NIT2: variants seen among roughly 807,000 people sequenced by gnomAD.
NIT2 encodes omega-amidase NIT2.
NIT2 carries 46 observed loss-of-function variants against 42.7 expected under a neutral mutation model. The observed-to-expected ratio is 1.08, with a 90% CI of 0.85 to 1.38. NIT2 has a LOEUF of 1.38. Among genes scored for constraint, NIT2 ranks in the 40% most tolerant of loss-of-function variants. The probability of loss-of-function intolerance (pLI) is 0.00; values close to 1 mark genes in which losing one functional copy is unlikely to be tolerated. For missense variants in NIT2, 309 were observed against 342.5 expected (o/e 0.90, Z 0.77); for synonymous variants, 123 against 121.9 (o/e 1.01, Z -0.06).
intron 2 of NIT2, 22 bp from the exon 3 acceptor site, chr3:100,339,793 T>C: frequency 6.3e-7 from 1 of 1,597,058 alleles, no homozygotes; most frequent in Non-Finnish European, 8.5e-7. Context: ...ATCTTTTTTT[T>C]TCTCTGCCAA....
At chr3:100,345,102 G>A (rs1706200212) in intron 4 of NIT2, among the ~76,000 whole-genome samples, 1 of 151,416 alleles carries the variant, frequency 6.6e-6, no homozygotes, top group Non-Finnish European at 1.5e-5. Context: ...CTACAGGCAC[G>A]CACAACCACC....
chr3:100,342,786 A>G (rs1419870397), intron 4 of NIT2, among the ~76,000 whole-genome samples: 1 of 152,106 alleles, frequency 6.6e-6, no homozygotes, highest in African/African-American at 2.4e-5. Context: ...ATTAAGAAGA[A>G]AAAAATCTTT....
intron 6 of NIT2, among the ~76,000 whole-genome samples, chr3:100,348,457 T>C (rs1706239797): frequency 6.6e-6 from 1 of 152,220 alleles, no homozygotes; most frequent in Non-Finnish European, 1.5e-5. Context: ...GCCCCTAGCG[T>C]AGGCAGCTAT....
chr3:100,339,998 T>G, intron 3 of NIT2, 63 bp downstream of exon 3: 1 of 1,450,566 alleles, frequency 6.9e-7, no homozygotes, highest in Non-Finnish European at 9.4e-7. Context: ...GAGTCAGGTG[T>G]GGTGGCGTGC....
Position 100,359,036 on chromosome 3 carries a change from C to G in NIT2, c.*3768C>G, listed in dbSNP as rs979213573. 6.6e-6 allele frequency: 1 copy of G among 152,140 alleles called. No homozygotes were observed. The highest frequency in any genetic ancestry group is 2.4e-5 in the African/African-American group (1 of 41,428). The allele number at this position is 152,140 out of a possible 1,614,324, so 9.4% of individuals were successfully genotyped here. Reference sequence around the variant, plus strand: ...ATCAAATTATTATCTTCATTCATTTCTACTTGTGAATGAAGTTCGGAGACT... The same window carrying G: ...ATCAAATTATTATCTTCATTCATTTGTACTTGTGAATGAAGTTCGGAGACT... On this transcript the variant is annotated 3_prime_UTR_variant, in exon 10 of 10. Coordinates refer to ENST00000394140, the MANE Select transcript of NIT2 (RefSeq NM_020202.5).
intron 4 of NIT2, among the ~76,000 whole-genome samples, chr3:100,343,010 T>G (rs924360602): frequency 6.6e-6 from 1 of 152,046 alleles, no homozygotes; most frequent in Non-Finnish European, 1.5e-5. Context: ...AATTTTGGAT[T>G]GATAGTTTTC....
At chr3:100,345,810 C>T (rs1706210766) in intron 5 of NIT2, 132 bp downstream of exon 5, 1 of 662,604 alleles carries the variant, frequency 1.5e-6, no homozygotes. Flanking sequence ...GGCAGAGAAT[C>T]ATCACAGATC....
intron 9 of NIT2, 98 bp downstream of exon 9, chr3:100,354,925 T>C (rs1374532397): frequency 7.0e-5 from 70 of 992,960 alleles, no homozygotes; most frequent in Non-Finnish European, 9.6e-5. Context: ...GAGGGGTTCC[T>C]TTATGCCCCT....
chr3:100,351,952 A>G (rs1297410678), intron 7 of NIT2, among the ~76,000 whole-genome samples: 1 of 152,192 alleles, frequency 6.6e-6, no homozygotes, highest in Admixed American at 6.5e-5. Context: ...GGCGAAGGAC[A>G]TGAACAGACA....
rs905496682 is a variant in NIT2 at position 100,358,385 on chromosome 3, T to A, written c.*3117T>A. ...CATACCCCTGTACTCCCCGACTTTC[T>A]AATGAATTAGACAATGATGTTTTAT... On this transcript the variant is annotated 3_prime_UTR_variant, in exon 10 of 10. Transcript: ENST00000394140. The A allele has an allele frequency of 6.6e-6, 1 of 152,264 alleles. No homozygotes were observed. Among genetic ancestry groups the A allele is most frequent in the African/African-American group, 2.4e-5 (1 of 41,470 alleles). 9.4% of individuals were successfully genotyped at this position (152,264 alleles called of 1,614,324 possible). A position where few individuals can be genotyped will look rare whatever the true frequency, so the allele number is the denominator to read the frequency against.
At chr3:100,342,397 G>A (rs1244733097) in intron 4 of NIT2, among the ~76,000 whole-genome samples, 1 of 151,878 alleles carries the variant, frequency 6.6e-6, no homozygotes, top group African/African-American at 2.4e-5. Context: ...TTGAATTTAG[G>A]GATAGAGACA....
intron 1 of NIT2, among the ~76,000 whole-genome samples, chr3:100,336,367 G>T (rs767682313): frequency 1.3e-5 from 2 of 152,140 alleles, no homozygotes; most frequent in Non-Finnish European, 2.9e-5. Flanking sequence ...GGTGTTTCTC[G>T]TTAGGTGGAA....
chr3:100,344,845 C>T (rs1003053660), intron 4 of NIT2, among the ~76,000 whole-genome samples: 3 of 152,010 alleles, frequency 2.0e-5, no homozygotes, highest in African/African-American at 7.2e-5. Flanking sequence ...GGGGTTTCAC[C>T]ATGTTGGCCA....
chr3:100,348,580 ACAC>A (rs1706240928), intron 6 of NIT2, among the ~76,000 whole-genome samples: 1 of 152,156 alleles, frequency 6.6e-6, no homozygotes, highest in African/African-American at 2.4e-5. Context: ...TTGGTCATCA[ACAC>A]CACTTTTCTT....
intron 6 of NIT2, among the ~76,000 whole-genome samples, chr3:100,346,839 T>TA (rs1361063214): frequency 6.6e-6 from 1 of 152,136 alleles, no homozygotes; most frequent in Non-Finnish European, 1.5e-5. Flanking sequence ...CCAGCATCCT[T>TA]ACTAGACTGC....
rs778480162 is a variant in NIT2 at position 100,339,832 on chromosome 3, A to T, written c.144A>T (p.Pro48=). ...TTTTCTAGGAATGCTTTAATTCTCC[A>T]TATGGAGCGAAATATTTTCCTGAAT... is the stretch of plus-strand genomic sequence containing the variant. ...IVSLPECFNS[P]YGAKYFPEYA... The change falls in exon 3 of 10, where the codon CCA becomes CCT. Residue 48 remains proline, a synonymous_variant. Transcript: ENST00000394140. 5.0e-6 allele frequency: 8 copies of T among 1,609,226 alleles called. No individual in the cohort carries two copies. Among genetic ancestry groups the T allele is most frequent in the African/African-American group, 1.3e-5 (1 of 74,596 alleles).
Position 100,339,073 on chromosome 3 carries a change from G to C in NIT2, c.8-14G>C. On this transcript the variant is annotated splice_polypyrimidine_tract_variant and intron_variant, in intron 1 of 9. Transcript: ENST00000394140. ...GATCTTCTGATAGCTGTTTTCTTTT[G>C]TCTTTGTTCTCAGCTTTCCGCTTGG... The C allele has an allele frequency of 6.4e-7, 1 of 1,573,856 alleles. No individual in the cohort carries two copies. The highest frequency in any genetic ancestry group is 8.7e-7 in the Non-Finnish European group (1 of 1,143,388).
At chr3:100,350,901 G>A (rs994097694) in intron 7 of NIT2, among the ~76,000 whole-genome samples, 1 of 150,830 alleles carries the variant, frequency 6.6e-6, no homozygotes, top group Non-Finnish European at 1.5e-5. Flanking sequence ...GTTCCCCTTC[G>A]TGTGTCCATG....
At chr3:100,344,972 A>T (rs1471560806) in intron 4 of NIT2, among the ~76,000 whole-genome samples, 3 of 91,508 alleles carry the variant, frequency 3.3e-5, no homozygotes, top group East Asian at 3.4e-4. Context: ...TTTTTTTTTG[A>T]GAGAGAGAGT....
Sources: gnomAD v4.1 joint callset for allele counts (sites outside exome capture counted in the v4.1 genomes callset) on GRCh38, gnomAD v4.1.1 for gene constraint, MANE v1.5 for transcripts, NCBI Gene and HGNC (gene_info 2026-07-23, HGNC 2026-07-21) for gene names.